Variants in KNDC1 observed in about 807,000 individuals in gnomAD.
KNDC1 encodes kinase non-catalytic C-lobe domain-containing protein 1.
A neutral mutation model predicts 172.8 loss-of-function variants in KNDC1; 106 were observed. The observed-to-expected ratio is 0.61, with a 90% CI of 0.52 to 0.72. The LOEUF (loss-of-function observed/expected upper bound fraction) is 0.72. Ranked by LOEUF, KNDC1 falls within the 30% of genes least tolerant of loss-of-function variation. KNDC1 has a pLI of 0.00. For synonymous variants in KNDC1, 1,083 were observed against 1,062.2 expected, an observed-to-expected ratio of 1.02 and a Z score of -0.38; for missense variants, 2,325 against 2,394.5, an observed-to-expected ratio of 0.97 and a Z score of 0.61.
chr10:133,211,440 C>T lies in KNDC1; in HGVS notation c.3927C>T (p.Thr1309=). 1.2e-6 allele frequency: 2 copies of T among 1,613,426 alleles called. No homozygotes were observed. The highest frequency in any genetic ancestry group is 1.7e-6 in the Non-Finnish European group (2 of 1,179,762). The part of the protein sequence containing the change: ...STLTRAHQDP[T]STFTKIYRRS... ...TCTCCAGGGCCCACCAGGACCCCAC[C>T]TCGACCTTCACCAAGATCTACAGGC... The change falls in exon 22 of 30, where the codon ACC becomes ACT. Residue 1309 remains threonine (T), a synonymous_variant. Coordinates refer to ENST00000304613, the MANE Select transcript of KNDC1 (RefSeq NM_152643.8).
In KNDC1 at chr10:133,199,525, C is replaced by T. The variant is rs1854303025; in HGVS notation, c.2826C>T (p.Phe942=). ...ATFCGAISEK[F]CDLYWDEKLL... The stretch of plus-strand genomic sequence containing the variant: ...TCTGTGGCGCCATTTCCGAGAAGTT[C>T]TGTGACCTGTACTGGGATGAGAAGT... The change falls in exon 15 of 30, where the codon TTC becomes TTT. Residue 942 remains phenylalanine, a synonymous_variant. Coordinates refer to ENST00000304613, the MANE Select transcript of KNDC1 (RefSeq NM_152643.8). The T allele has an allele frequency of 6.2e-7, 1 of 1,613,924 alleles. No homozygotes were observed. The highest frequency in any genetic ancestry group is 2.2e-5 in the East Asian group (1 of 44,876).
chr10:133,168,209 A>G (rs753977872), intron 2 of KNDC1, 45 bp from the exon 3 acceptor site: 1 of 1,571,102 alleles, frequency 6.4e-7, no homozygotes, highest in Non-Finnish European at 8.8e-7. Context: ...TCAGGTTTGC[A>G]GGTGTGACCA....
intron 5 of KNDC1, 117 bp from the exon 6 acceptor site, chr10:133,185,856 GA>G (rs1564883816): frequency 0.013 from 4,349 of 344,104 alleles, 127 homozygotes; most frequent in South Asian, 0.023. Flanking sequence ...GGGGAGGGGA[GA>G]GGTGGGAGGG....
chr10:133,195,769 A>T lies in KNDC1; in HGVS notation c.1682A>T (p.Asp561Val), dbSNP rs1330719530. The T allele has an allele frequency of 6.2e-7, 1 of 1,606,210 alleles. No individual in the cohort carries two copies. Among genetic ancestry groups the T allele is most frequent in the Non-Finnish European group, 8.5e-7 (1 of 1,176,908 alleles). The change falls in exon 10 of 30, where the codon GAC (aspartate) becomes GTC (valine). Residue 561 changes from aspartate to valine, a missense_variant. Asp to Val is a radical substitution (Grantham distance 152). Coordinates refer to ENST00000304613, the MANE Select transcript of KNDC1 (RefSeq NM_152643.8). ...LPRRLKTLLL[D>V]MARRSAPERP... ...CGCAGGCTCAAGACCCTCCTCCTGG[A>T]CATGGCCAGGCGCAGTGCCCCGGAG...
intron 4 of KNDC1, 27 bp from the exon 5 acceptor site, chr10:133,183,845 T>G: frequency 5.9e-6 from 9 of 1,518,022 alleles, no homozygotes; most frequent in Non-Finnish European, 8.1e-6. Context: ...CTCCGAGCCT[T>G]CCTGTCTGAG....
In KNDC1 at chr10:133,200,361, A is replaced by G; in HGVS notation, c.2904-14A>G. 6.4e-7 allele frequency: 1 copy of G among 1,572,162 alleles called. No homozygotes were observed. The highest frequency in any genetic ancestry group is 8.6e-7 in the Non-Finnish European group (1 of 1,160,164). ...TGGGCGGAGGTGGGGACTGACCTGC[A>G]TTCTCGTCGTCAGCACGGCCGAGGA... On this transcript the variant is annotated splice_polypyrimidine_tract_variant and intron_variant, in intron 15 of 29. Transcript: ENST00000304613.
At position 133,188,532 on chromosome 10, in the gene KNDC1, C is replaced by T. The variant is rs1421214666; in HGVS notation, c.1327-7C>T. The stretch of plus-strand genomic sequence containing the variant: ...CCACACTGACCTCGCCGCTCTCCTG[C>T]CCACAGTGGGTGTCCCTGCAGGACC... On this transcript the variant is annotated splice_region_variant and splice_polypyrimidine_tract_variant and intron_variant, in intron 6 of 29. Transcript: ENST00000304613. 2.6e-6 allele frequency: 4 copies of T among 1,542,960 alleles called. No homozygotes were observed. The highest frequency in any genetic ancestry group is 3.5e-6 in the Non-Finnish European group (4 of 1,139,524).
intron 25 of KNDC1, 94 bp from the exon 26 acceptor site, chr10:133,213,878 C>T: frequency 6.5e-7 from 1 of 1,540,788 alleles, no homozygotes; most frequent in Non-Finnish European, 8.9e-7. Context: ...GGCCTCGTGG[C>T]CCGACCCCAG....
At chr10:133,213,851 T>C in intron 25 of KNDC1, 121 bp from the exon 26 acceptor site, 1 of 1,442,208 alleles carries the variant, frequency 6.9e-7, no homozygotes, top group Admixed American at 1.7e-5. Flanking sequence ...GAGAGAGTGG[T>C]GTCTGCCAGT....
intron 3 of KNDC1, among the ~76,000 whole-genome samples, chr10:133,178,023 G>T (rs1485745770): frequency 6.7e-6 from 1 of 149,062 alleles, no homozygotes; most frequent in Non-Finnish European, 1.5e-5. Flanking sequence ...GCATGCATGT[G>T]GTATGTGTCA....
Position 133,186,730 on chromosome 10 carries a change from G to A in KNDC1, c.1326+56G>A, listed in dbSNP as rs1318401402. ...GGGGTCGGCGGTCAGTGAGTCCGGG[G>A]CCGGGCCTCTCCACAGATGCAAACG... On this transcript the variant is annotated intron_variant, in intron 6 of 29. Transcript: ENST00000304613. The A allele has an allele frequency of 3.9e-6, 5 of 1,292,656 alleles. No individual in the cohort carries two copies. In the Admixed American group the frequency reaches 1.2e-4, roughly 31 times the overall value. The allele number at this position is 1,292,656 out of a possible 1,614,324, so 80.1% of individuals were successfully genotyped here. A position where few individuals can be genotyped will look rare whatever the true frequency, so the allele number is the denominator to read the frequency against.
rs1404594960 is a variant in KNDC1 at position 133,207,172 on chromosome 10, C to T, written c.3615C>T (p.Cys1205=). 6.2e-7 allele frequency: 1 copy of T among 1,606,298 alleles called. No individual in the cohort carries two copies. Among genetic ancestry groups the T allele is most frequent in the Non-Finnish European group, 8.5e-7 (1 of 1,177,576 alleles). ...MYAERWGLEP[C]TLPVIVNIAA... is the part of the protein sequence containing the mutation. ...CGGAACGCTGGGGCCTGGAGCCCTG[C>T]ACCCTCCCAGTGATCGTGAACATCG... Residue 1205 remains cysteine (C), a synonymous_variant, in exon 20 of 30, where the codon TGC becomes TGT. Coordinates refer to ENST00000304613, the MANE Select transcript of KNDC1 (RefSeq NM_152643.8).
chr10:133,177,320 AGC>A (rs1366156202), intron 3 of KNDC1, among the ~76,000 whole-genome samples: 3 of 151,948 alleles, frequency 2.0e-5, no homozygotes, highest in African/African-American at 7.2e-5. Context: ...ACATGTATGT[AGC>A]GTGGTGTCAT....
intron 3 of KNDC1, among the ~76,000 whole-genome samples, chr10:133,182,998 A>G (rs1853768252): frequency 3.9e-5 from 5 of 127,716 alleles, no homozygotes; most frequent in Non-Finnish European, 8.5e-5. Context: ...GCGTGGGCAC[A>G]GGCGGCAAGG....
rs539470106 is a variant in KNDC1 at position 133,224,964 on chromosome 10, G to A, written c.*74G>A. 8.7e-5 allele frequency: 108 copies of A among 1,235,340 alleles called. No individual in the cohort carries two copies. In the African/African-American group the frequency reaches 1.1e-3, roughly 13 times the overall value. The allele number at this position is 1,235,340 out of a possible 1,614,324, so 76.5% of individuals were successfully genotyped here. On this transcript the variant is annotated 3_prime_UTR_variant, in exon 30 of 30. Transcript: ENST00000304613. The surrounding 1 kb of genome is among the most constrained non-coding windows in gnomAD (Gnocchi z 5.4). ...GGGCGGGCTGGGAGGTGGGAGCCGC[G>A]TCTCAGGCCCGGCCGTTATCAAGGC...
At chr10:133,214,179 G>A (rs1041192934) in intron 26 of KNDC1, 57 bp downstream of exon 26, 365 of 1,589,872 alleles carry the variant, frequency 2.3e-4, no homozygotes, top group Admixed American at 4.8e-4. Flanking sequence ...CTACGCGGGG[G>A]TGGCAGCGCC....
At chr10:133,169,761 G>A (rs1198384954) in intron 3 of KNDC1, among the ~76,000 whole-genome samples, 6 of 152,102 alleles carry the variant, frequency 3.9e-5, no homozygotes, top group South Asian at 4.2e-4. Context: ...TGGCTGTGAC[G>A]TGGCACGTGG....
chr10:133,171,438 T>C (rs765848323), intron 3 of KNDC1, among the ~76,000 whole-genome samples: 76 of 152,108 alleles, frequency 5.0e-4, no homozygotes, highest in Non-Finnish European at 8.8e-4. Context: ...GTCCAGCTAA[T>C]TTTTTAAAAT....
At chr10:133,178,320 G>A (rs1853616480) in intron 3 of KNDC1, among the ~76,000 whole-genome samples, 1 of 152,212 alleles carries the variant, frequency 6.6e-6, no homozygotes, top group Non-Finnish European at 1.5e-5. Flanking sequence ...GTGAGGACAA[G>A]GCTTTCAGTG....
Sources: allele counts gnomAD v4.1 joint callset (sites outside exome capture counted in the v4.1 genomes callset), GRCh38; gene constraint gnomAD v4.1.1; non-coding constraint Gnocchi (gnomAD v3.1); transcripts MANE v1.5; gene names NCBI Gene and HGNC (gene_info 2026-07-23, HGNC 2026-07-21).